VAT1L: variants seen among roughly 807,000 people sequenced by gnomAD.
VAT1L encodes vesicle amine transport 1 like.
VAT1L carries 34 observed loss-of-function variants against 44.1 expected under a neutral mutation model. The ratio of observed to expected loss-of-function variants is 0.77; its 90% CI spans 0.59 to 1.03. The LOEUF (loss-of-function observed/expected upper bound fraction) is 1.03, where lower values mean the gene tolerates loss of function less well. VAT1L is among the 50% of genes least tolerant of loss of function. The probability of loss-of-function intolerance (pLI) is 0.00; values close to 1 mark genes in which losing one functional copy is unlikely to be tolerated. For synonymous variants in VAT1L, 253 were observed against 202.2 expected, an observed-to-expected ratio of 1.25 and a Z score of -2.13; for missense variants, 615 against 538.8, an observed-to-expected ratio of 1.14 and a Z score of -1.40.
intron 8 of VAT1L, 36 bp downstream of exon 8, chr16:77,971,969 G>C: frequency 6.3e-7 from 1 of 1,592,432 alleles, no homozygotes. Flanking sequence ...TCAGTTCCAC[G>C]CGAGAGAGCA....
At position 77,788,718 on chromosome 16, in the gene VAT1L, G is replaced by A; in HGVS notation, c.36G>A (p.Thr12=). The change falls in exon 1 of 9, where the codon ACG becomes ACA. Residue 12 remains threonine (T), a synonymous_variant. Coordinates refer to ENST00000302536, the MANE Select transcript of VAT1L (RefSeq NM_020927.3). ...AAGGCGTGGAGAAGGCGGAGGAGAC[G>A]GAGCAAATGATCGAGAAGGAGGCAG... The part of the protein sequence containing the change: ...AKEGVEKAEE[T]EQMIEKEAGK... The A allele has an allele frequency of 6.4e-7, 1 of 1,555,880 alleles. No individual in the cohort carries two copies. Among genetic ancestry groups the A allele is most frequent in the Non-Finnish European group, 8.7e-7 (1 of 1,149,328 alleles).
intron 4 of VAT1L, among the ~76,000 whole-genome samples, chr16:77,875,996 T>C (rs983952457): frequency 6.6e-6 from 1 of 152,180 alleles, no homozygotes; most frequent in Non-Finnish European, 1.5e-5. Context: ...TTTTGTTGCG[T>C]CATTTCATTC....
intron 7 of VAT1L, among the ~76,000 whole-genome samples, chr16:77,894,568 G>T (rs1357574486): frequency 6.6e-6 from 1 of 152,130 alleles, no homozygotes; most frequent in Admixed American, 6.5e-5. Context: ...TGGAGAGAAT[G>T]GAGAGGAACT....
chr16:77,953,853 G>C (rs1370603942), intron 7 of VAT1L, among the ~76,000 whole-genome samples: 1 of 152,092 alleles, frequency 6.6e-6, no homozygotes, highest in Non-Finnish European at 1.5e-5. Flanking sequence ...GTTCACACTA[G>C]ATCCTGATGT....
intron 8 of VAT1L, among the ~76,000 whole-genome samples, chr16:77,974,063 G>A (rs2018309325): frequency 6.6e-6 from 1 of 152,162 alleles, no homozygotes; most frequent in African/African-American, 2.4e-5. Flanking sequence ...TAACCATAAT[G>A]TAATTTGGGT....
At chr16:77,845,998 G>GTCT (rs1229890855) in intron 3 of VAT1L, among the ~76,000 whole-genome samples, 1 of 152,110 alleles carries the variant, frequency 6.6e-6, no homozygotes, top group African/African-American at 2.4e-5. Flanking sequence ...TGCTAGAGGG[G>GTCT]TCTTCTTGAA....
At chr16:77,822,910 G>A (rs779547601) in intron 2 of VAT1L, among the ~76,000 whole-genome samples, 6 of 152,112 alleles carry the variant, frequency 3.9e-5, no homozygotes, top group Non-Finnish European at 8.8e-5. Flanking sequence ...CGACAGAGCT[G>A]CCCTGGCAGC....
chr16:77,798,995 A>T (rs895371093), intron 1 of VAT1L, among the ~76,000 whole-genome samples: 1 of 151,822 alleles, frequency 6.6e-6, no homozygotes, highest in African/African-American at 2.4e-5. Flanking sequence ...CTCATAAGTT[A>T]GCTTCATGTA....
chr16:77,968,819 A>C (rs978190938), intron 7 of VAT1L, among the ~76,000 whole-genome samples: 2 of 152,096 alleles, frequency 1.3e-5, no homozygotes, highest in African/African-American at 4.8e-5. Flanking sequence ...ATTTTGCAAG[A>C]ATCAATTCTT....
intron 7 of VAT1L, among the ~76,000 whole-genome samples, chr16:77,967,314 A>G (rs1159538964): frequency 1.6e-4 from 24 of 152,242 alleles, no homozygotes; most frequent in Admixed American, 1.4e-3. Flanking sequence ...AACTCTGCTT[A>G]TCATCAGGTT....
chr16:77,801,469 C>G (rs2016050553), intron 1 of VAT1L: 1 of 152,170 alleles, frequency 6.6e-6, no homozygotes, highest in African/African-American at 2.4e-5. Flanking sequence ...TCATCCAGGC[C>G]TGTATTCTCC....
At chr16:77,838,022 A>G (rs577193539) in intron 3 of VAT1L, among the ~76,000 whole-genome samples, 27 of 152,320 alleles carry the variant, frequency 1.8e-4, no homozygotes, top group African/African-American at 2.9e-4. Flanking sequence ...CCCTTGGTCT[A>G]TCTTCCCTGA....
intron 7 of VAT1L, among the ~76,000 whole-genome samples, chr16:77,951,581 G>T (rs2018043695): frequency 1.3e-5 from 2 of 152,084 alleles, no homozygotes; most frequent in South Asian, 4.1e-4. Flanking sequence ...AAAAGTATGA[G>T]TGCGTGTATA....
chr16:77,923,433 G>A (rs1157606221), intron 7 of VAT1L, among the ~76,000 whole-genome samples: 1 of 152,202 alleles, frequency 6.6e-6, no homozygotes, highest in East Asian at 1.9e-4. Flanking sequence ...CTGGGAGACA[G>A]AGCAAGACTC....
intron 1 of VAT1L, among the ~76,000 whole-genome samples, chr16:77,804,212 G>T (rs186680930): frequency 6.6e-6 from 1 of 152,216 alleles, no homozygotes; most frequent in East Asian, 1.9e-4. Flanking sequence ...TGAATGCCTT[G>T]GTCAACATCA....
intron 7 of VAT1L, among the ~76,000 whole-genome samples, chr16:77,951,474 A>T (rs942587229): frequency 2.0e-5 from 3 of 152,166 alleles, no homozygotes; most frequent in Non-Finnish European, 4.4e-5. Context: ...TGAACCCAAG[A>T]AGTGGGGGTT....
chr16:77,927,043 A>T (rs545050364), intron 7 of VAT1L, among the ~76,000 whole-genome samples: 22 of 152,110 alleles, frequency 1.4e-4, no homozygotes, highest in Non-Finnish European at 2.6e-4. Context: ...ATTAGTACAC[A>T]TCAACACTGT....
chr16:77,963,452 G>C (rs1243955997), intron 7 of VAT1L, among the ~76,000 whole-genome samples: 1 of 152,146 alleles, frequency 6.6e-6, no homozygotes, highest in Admixed American at 6.5e-5. Context: ...AATGCAGGAA[G>C]GAATGCAGCC....
chr16:77,885,340 G>T (rs1033241185), intron 7 of VAT1L, among the ~76,000 whole-genome samples: 1 of 152,128 alleles, frequency 6.6e-6, no homozygotes, highest in African/African-American at 2.4e-5. Flanking sequence ...AGCATTCCTT[G>T]ATCACAAGAA....
Sources: gnomAD v4.1 joint callset for allele counts (sites outside exome capture counted in the v4.1 genomes callset) on GRCh38, gnomAD v4.1.1 for gene constraint, MANE v1.5 for transcripts, NCBI Gene and HGNC (gene_info 2026-07-23, HGNC 2026-07-21) for gene names.